SUCO: variants seen among roughly 807,000 people sequenced by gnomAD.
SUCO encodes SUN domain containing ossification factor.
In SUCO, 57 loss-of-function variants were observed where a neutral mutation model predicts 148.1. The observed-to-expected ratio is 0.38, with a 90% CI of 0.31 to 0.48. The LOEUF (loss-of-function observed/expected upper bound fraction) is 0.48, where lower values mean the gene tolerates loss of function less well. SUCO is among the 20% of genes least tolerant of loss of function. The pLI is 0.96. For synonymous variants in SUCO, 470 were observed against 502.7 expected, an observed-to-expected ratio of 0.93 and a Z score of 0.87; for missense variants, 1,331 against 1,468.2, an observed-to-expected ratio of 0.91 and a Z score of 1.53.
chr1:172,564,358 A>T (rs1654404776), intron 6 of SUCO, among the ~76,000 whole-genome samples: 1 of 152,236 alleles, frequency 6.6e-6, no homozygotes, highest in African/African-American at 2.4e-5. Flanking sequence ...TCCTGAAAGC[A>T]GTTATGGGGG....
Position 172,556,022 on chromosome 1 carries a change from G to A in SUCO, c.442G>A (p.Asp148Asn), listed in dbSNP as rs1179814611. Residue 148 changes from aspartate to asparagine, a missense_variant and splice_region_variant, in exon 4 of 24, where the codon GAT (aspartate) becomes AAT (asparagine). Around this residue, in one of 3 missense-constraint regions of SUCO, gnomAD observed 992 missense variants for 1,093.5 expected, o/e 0.91. Coordinates refer to ENST00000263688, the MANE Select transcript of SUCO (RefSeq NM_014283.5). ...AGAAATCACTCCAATCTCAAAGCTTGAGTAAGTTGTTACAAAAAACAAACA... is the reference window on the plus strand; with the variant it reads ...AGAAATCACTCCAATCTCAAAGCTTAAGTAAGTTGTTACAAAAAACAAACA... ...TSEITPISKL[D>N]EIEKSGTIPI... 1 of 1,605,128 alleles carries A rather than the reference G, an allele frequency of 6.2e-7. No individual in the cohort carries two copies. Among genetic ancestry groups the A allele is most frequent in the African/African-American group, 1.3e-5 (1 of 74,616 alleles).
chr1:172,596,940 T>A (rs914830867), intron 19 of SUCO, among the ~76,000 whole-genome samples: 15 of 152,200 alleles, frequency 9.9e-5, no homozygotes, highest in African/African-American at 3.6e-4. Flanking sequence ...CTCCACCCAG[T>A]TCGAGCTTCC....
upstream of SUCO, chr1:172,532,813 G>A (rs370196297): frequency 1.4e-5 from 22 of 1,594,130 alleles, no homozygotes; most frequent in East Asian, 2.0e-4. Flanking sequence ...TCCACTGTAA[G>A]GGGAAATGCT....
rs1651734815 is a variant in SUCO at position 172,533,234 on chromosome 1, GC to G, written c.-198del. 1.3e-6 allele frequency: 2 copies of G among 1,545,000 alleles called. No individual in the cohort carries two copies. Among genetic ancestry groups the G allele is most frequent in the African/African-American group, 2.7e-5 (2 of 72,834 alleles). On this transcript the variant is annotated 5_prime_UTR_variant, in exon 1 of 24. Coordinates refer to ENST00000263688, the MANE Select transcript of SUCO (RefSeq NM_014283.5). ...GGCGGTCCCCGGAGTCCTGTGAAGC[GC>G]CCCTGTCCGCGCCTCTGTGGGGCCC...
intron 1 of SUCO, chr1:172,550,837 A>T (rs954947208): frequency 1.1e-6 from 1 of 910,296 alleles, no homozygotes; most frequent in African/African-American, 1.8e-5. Context: ...TATAATCGTA[A>T]CATATTTTTC....
In SUCO at chr1:172,588,823, G is replaced by C. The variant is rs1656414111; in HGVS notation, c.1722G>C (p.Glu574Asp). The C allele has an allele frequency of 1.9e-6, 3 of 1,605,520 alleles. No homozygotes were observed. The highest frequency in any genetic ancestry group is 2.5e-6 in the Non-Finnish European group (3 of 1,176,494). Residue 574 changes from glutamate (E) to aspartate (D), a missense_variant, in exon 18 of 24, where the codon GAG becomes GAC. Glu to Asp is a conservative substitution (Grantham distance 45). This residue lies in a region of SUCO where 992 missense variants were observed against 1,093.5 expected (regional missense o/e 0.91). Coordinates refer to ENST00000263688, the MANE Select transcript of SUCO (RefSeq NM_014283.5). ...MEPSTPDTPK[E>D]SPIVQLVQEE... is the part of the protein sequence containing the mutation. Reference sequence around the variant, plus strand: ...CGTCAACACCAGATACTCCAAAAGAGAGTCCCATTGTACAGTTAGTTCAAG... The same window carrying C: ...CGTCAACACCAGATACTCCAAAAGACAGTCCCATTGTACAGTTAGTTCAAG...
At chr1:172,590,054 AAG>A (rs1183709825) in intron 18 of SUCO, 128 bp downstream of exon 18, 3 of 696,610 alleles carry the variant, frequency 4.3e-6, no homozygotes, top group East Asian at 3.1e-5. Context: ...CAATTTTAGC[AAG>A]AGAGAGAAAG....
chr1:172,589,339 A>G lies in SUCO; in HGVS notation c.2238A>G (p.Lys746=). The change falls in exon 18 of 24, where the codon AAA becomes AAG. Residue 746 remains lysine, a synonymous_variant. Coordinates refer to ENST00000263688, the MANE Select transcript of SUCO (RefSeq NM_014283.5). ...DITPEINPLP[K]IEVSESVEYE... is the part of the protein sequence containing the mutation. ...CCCCAGAAATCAATCCCTTGCCTAA[A>G]ATAGAAGTATCTGAGTCTGTTGAAT... 6.2e-7 allele frequency: 1 copy of G among 1,613,550 alleles called. No individual in the cohort carries two copies.
At chr1:172,582,655 A>G (rs1238193270) in intron 15 of SUCO, among the ~76,000 whole-genome samples, 1 of 152,146 alleles carries the variant, frequency 6.6e-6, no homozygotes, top group East Asian at 1.9e-4. Flanking sequence ...GGTGTATACA[A>G]ACTATCATGT....
At chr1:172,607,447 T>G (rs1657931914) in intron 22 of SUCO, among the ~76,000 whole-genome samples, 1 of 151,514 alleles carries the variant, frequency 6.6e-6, no homozygotes, top group African/African-American at 2.4e-5. Flanking sequence ...GGAGATGGTA[T>G]CTTATTACAC....
intron 20 of SUCO, among the ~76,000 whole-genome samples, chr1:172,601,787 T>G (rs1179532654): frequency 6.6e-6 from 1 of 152,186 alleles, no homozygotes; most frequent in Non-Finnish European, 1.5e-5. Flanking sequence ...TGACAAAATG[T>G]TAACAATTGG....
At chr1:172,556,518 C>T in intron 4 of SUCO, 1 of 731,518 alleles carries the variant, frequency 1.4e-6, no homozygotes, top group South Asian at 6.2e-5. Context: ...TAGCTTCTTC[C>T]TGCAGCAGTC....
intron 1 of SUCO, chr1:172,542,821 G>A (rs2149219720): frequency 1.0e-6 from 1 of 985,380 alleles, no homozygotes; most frequent in African/African-American, 1.7e-5. Context: ...GAGGAAACTG[G>A]AAAGGATGGA....
intron 22 of SUCO, 58 bp downstream of exon 22, chr1:172,602,845 A>C (rs1179627901): frequency 7.1e-7 from 1 of 1,406,000 alleles, no homozygotes; most frequent in Admixed American, 1.7e-5. Flanking sequence ...CTTCTGGCAT[A>C]AATATAATGT....
At chr1:172,588,084 G>T in intron 17 of SUCO, 2 of 985,144 alleles carry the variant, frequency 2.0e-6, no homozygotes, top group Non-Finnish European at 2.4e-6. Context: ...ATTTGGCTTA[G>T]AAGATTAGCC....
Position 172,611,693 on chromosome 1 carries a change from T to C in SUCO, c.*1434T>C, listed in dbSNP as rs1658225096. On this transcript the variant is annotated 3_prime_UTR_variant, in exon 24 of 24. Transcript: ENST00000263688. ...TTTATAGAAGCCCCTTGAAAAGAGG[T>C]CCAGATGAGAGCAGAGATACAGTGA... 6.6e-6 allele frequency: 1 copy of C among 152,582 alleles called. No individual in the cohort carries two copies. The highest frequency in any genetic ancestry group is 2.4e-5 in the African/African-American group (1 of 41,432). The allele number at this position is 152,582 out of a possible 1,614,324, so 9.5% of individuals were successfully genotyped here. A position where few individuals can be genotyped will look rare whatever the true frequency, so the allele number is the denominator to read the frequency against.
intron 19 of SUCO, among the ~76,000 whole-genome samples, chr1:172,593,229 A>G (rs921154518): frequency 6.6e-6 from 1 of 152,214 alleles, no homozygotes; most frequent in African/African-American, 2.4e-5. Context: ...AACAGGGACA[A>G]TTTGACTTCC....
At chr1:172,532,480 G>A, upstream of SUCO, 2 of 1,612,334 alleles carry the variant, frequency 1.2e-6, no homozygotes, top group Non-Finnish European at 1.7e-6. Context: ...CAGATGAGAG[G>A]ATTCTTGGCA....
rs746559937 is a variant in SUCO at position 172,533,248 on chromosome 1, C to T, written c.-188C>T. ...TCCTGTGAAGCGCCCCTGTCCGCGC[C>T]TCTGTGGGGCCCTCAGAGAGGGCTG... is the stretch of plus-strand genomic sequence containing the variant. On this transcript the variant is annotated 5_prime_UTR_variant, in exon 1 of 24. Coordinates refer to ENST00000263688, the MANE Select transcript of SUCO (RefSeq NM_014283.5). The T allele has an allele frequency of 1.7e-5, 26 of 1,548,232 alleles. No homozygotes were observed. The highest frequency in any genetic ancestry group is 2.3e-4 in the Middle Eastern group (1 of 4,396).
Sources: gnomAD v4.1 joint callset for allele counts (sites outside exome capture counted in the v4.1 genomes callset) on GRCh38, gnomAD v4.1.1 for gene constraint, gnomAD v4.1.1 regional missense constraint, MANE v1.5 for transcripts, NCBI Gene and HGNC (gene_info 2026-07-23, HGNC 2026-07-21) for gene names.